ABCA7: variants seen among roughly 807,000 people sequenced by gnomAD.
The protein encoded by ABCA7 is ATP binding cassette subfamily A member 7, also known as phospholipid-transporting ATPase ABCA7.
In ABCA7, 261 loss-of-function variants were observed where a neutral mutation model predicts 227.6. The ratio of observed to expected loss-of-function variants is 1.15; its 90% CI spans 1.04 to 1.27. The LOEUF (loss-of-function observed/expected upper bound fraction) is 1.27. Ranked by LOEUF, ABCA7 falls within the 50% of genes most tolerant of loss-of-function variation. The pLI is 0.00. For synonymous variants in ABCA7, 1,488 were observed against 1,279.7 expected, an observed-to-expected ratio of 1.16 and a Z score of -3.47; for missense variants, 3,331 against 2,924.5, an observed-to-expected ratio of 1.14 and a Z score of -3.21.
intron 13 of ABCA7, 90 bp from the exon 14 acceptor site, chr19:1,046,711 TC>T: frequency 1.5e-6 from 2 of 1,341,718 alleles, no homozygotes; most frequent in Non-Finnish European, 2.0e-6. Context: ...CGCCTTGAGA[TC>T]CCGGGACACG....
intron 23 of ABCA7, 78 bp downstream of exon 23, chr19:1,052,364 G>T: frequency 7.9e-7 from 1 of 1,259,468 alleles, no homozygotes. Context: ...AGGAGGGGGA[G>T]GGGGAAGAGG....
rs767354067 is a variant in ABCA7 at position 1,041,969 on chromosome 19, C to G, written c.299C>G (p.Ser100Cys). Residue 100 changes from serine to cysteine, a missense_variant, in exon 4 of 47, where the codon TCC (serine) becomes TGC (cysteine). Coordinates refer to ENST00000263094, the MANE Select transcript of ABCA7 (RefSeq NM_019112.4). ...EPGRLSNFND[S>C]LVSRLLADAR... is the part of the protein sequence containing the mutation. ...GGGCGCCTGAGCAACTTCAACGACTCCCTGTGAGCCAGAGGCAGTGGGTGC... is the reference window on the plus strand; with the variant it reads ...GGGCGCCTGAGCAACTTCAACGACTGCCTGTGAGCCAGAGGCAGTGGGTGC... 1.7e-5 allele frequency: 27 copies of G among 1,582,728 alleles called. No homozygotes were observed. The highest frequency in any genetic ancestry group is 2.0e-5 in the Non-Finnish European group (23 of 1,170,414).
In ABCA7 at chr19:1,047,624, G is replaced by T; in HGVS notation, c.2239G>T (p.Ala747Ser). 1.9e-6 allele frequency: 3 copies of T among 1,599,328 alleles called. No individual in the cohort carries two copies. Among genetic ancestry groups the T allele is most frequent in the Non-Finnish European group, 8.5e-7 (1 of 1,177,636 alleles). The change falls in exon 16 of 47, where the codon GCC becomes TCC. Residue 747 changes from alanine to serine, a missense_variant. Physicochemically the swap from Ala to Ser is moderately conservative, Grantham distance 99. Transcript: ENST00000263094. Reference sequence around the variant, plus strand: ...GCTGGACGCGGCGCTCTACGGCCTCGCCACCTGGTACCTGGAAGCTGTGTG... The same window carrying T: ...GCTGGACGCGGCGCTCTACGGCCTCTCCACCTGGTACCTGGAAGCTGTGTG... Reference protein sequence around the residue: ...LLLDAALYGLATWYLEAVCPG... With the variant: ...LLLDAALYGLSTWYLEAVCPG...
chr19:1,041,226 G>A lies in ABCA7; in HGVS notation c.-136G>A. Reference sequence around the variant, plus strand: ...TACTGTTTGCCTCGCTCTAATCAGAGCTTCCAGGAACCCTGCGCTGTGGGA... The same window carrying A: ...TACTGTTTGCCTCGCTCTAATCAGAACTTCCAGGAACCCTGCGCTGTGGGA... On this transcript the variant is annotated splice_region_variant and 5_prime_UTR_variant, in exon 2 of 47. Transcript: ENST00000263094. The A allele has an allele frequency of 1.1e-6, 1 of 908,472 alleles. No homozygotes were observed. The highest frequency in any genetic ancestry group is 1.4e-5 in the South Asian group (1 of 73,588). The allele number at this position is 908,472 out of a possible 1,614,324, so 56.3% of individuals were successfully genotyped here. A position where few individuals can be genotyped will look rare whatever the true frequency, so the allele number is the denominator to read the frequency against.
chr19:1,046,520 C>G lies in ABCA7; in HGVS notation c.1622+114C>G. The G allele has an allele frequency of 5.1e-6, 7 of 1,383,894 alleles. No individual in the cohort carries two copies. In the South Asian group the frequency reaches 9.7e-5, roughly 19 times the overall value. 85.7% of individuals were successfully genotyped at this position (1,383,894 alleles called of 1,614,324 possible). A position where few individuals can be genotyped will look rare whatever the true frequency, so the allele number is the denominator to read the frequency against. On this transcript the variant is annotated intron_variant, in intron 13 of 46. Coordinates refer to ENST00000263094, the MANE Select transcript of ABCA7 (RefSeq NM_019112.4). ...GCGGTCCAGGCTGCGAACTTTGCAC[C>G]TTTACACCACTCCACGTGACCTGCT...
Position 1,059,062 on chromosome 19 carries a change from T to G in ABCA7, c.5440T>G (p.Cys1814Gly). 1 of 1,613,618 alleles carries G rather than the reference T, an allele frequency of 6.2e-7. No individual in the cohort carries two copies. The highest frequency in any genetic ancestry group is 1.1e-5 in the South Asian group (1 of 91,022). ...GAGGATGCCAGCTGTTGACCGCTTG[T>G]GCCTGGGGATTCCCCCTGGTGAGGT... Reference protein sequence around the residue: ...GQRMPAVDRLCLGIPPGECFG... With the variant: ...GQRMPAVDRLGLGIPPGECFG... Residue 1814 changes from cysteine (C) to glycine (G), a missense_variant, in exon 40 of 47, where the codon TGC becomes GGC. Cys to Gly is a radical substitution (Grantham distance 159). Transcript: ENST00000263094.
rs748018155 is a variant in ABCA7, at chr19:1,047,611, G to A, written c.2226G>A (p.Ala742=). Residue 742 remains alanine, a synonymous_variant, in exon 16 of 47, where the codon GCG becomes GCA. Transcript: ENST00000263094. The part of the protein sequence containing the change: ...QVSGLLLLDA[A]LYGLATWYLE... ...CTGGCCTTCTGCTGCTGGACGCGGCGCTCTACGGCCTCGCCACCTGGTACC... is the reference window on the plus strand; with the variant it reads ...CTGGCCTTCTGCTGCTGGACGCGGCACTCTACGGCCTCGCCACCTGGTACC... 22 of 1,601,866 alleles carry A rather than the reference G, an allele frequency of 1.4e-5. No homozygotes were observed. The highest frequency in any genetic ancestry group is 4.5e-5 in the East Asian group (2 of 44,806).
rs1568398957 is a variant in ABCA7 at position 1,058,686 on chromosome 19, CA to C, written c.5219del (p.Gln1740ArgfsTer24). On this transcript the variant is annotated frameshift_variant, in exon 38 of 47. Coordinates refer to ENST00000263094, the MANE Select transcript of ABCA7 (RefSeq NM_019112.4). LOFTEE classifies it high-confidence loss of function. The stretch of plus-strand genomic sequence containing the variant: ...CAAGAACCTCTTGGCCATGGTGATA[CA>C]GGGGCCCCTCTTCCTTCTCTTCACA... The part of the protein sequence containing the change: ...VGKNLLAMVI[Q>X]GPLFLLFTLL... 5 of 1,613,886 alleles carry C rather than the reference CA, an allele frequency of 3.1e-6. No individual in the cohort carries two copies. In the African/African-American group the frequency reaches 6.7e-5, roughly 22 times the overall value.
chr19:1,056,976 C>T lies in ABCA7; in HGVS notation c.4656C>T (p.Ser1552=). 1.9e-6 allele frequency: 3 copies of T among 1,614,070 alleles called. No homozygotes were observed. The highest frequency in any genetic ancestry group is 1.3e-5 in the African/African-American group (1 of 75,074). Residue 1552 remains serine, a synonymous_variant, in exon 34 of 47, where the codon AGC becomes AGT. Transcript: ENST00000263094. The surrounding 1 kb of genome is among the most constrained non-coding windows in gnomAD (Gnocchi z 4.3). The part of the protein sequence containing the change: ...VVFAMSFVPA[S]FTLVLIEERV... ...TTGCCATGTCCTTTGTCCCGGCCAG[C>T]TTCACTCTTGTCCTCATTGAGGAGC...
chr19:1,040,834 A>G (rs1285897717), intron 1 of ABCA7, among the ~76,000 whole-genome samples: 2 of 152,086 alleles, frequency 1.3e-5, no homozygotes, highest in Non-Finnish European at 2.9e-5. Flanking sequence ...CCACTTCTGT[A>G]GAGTGGGGTG....
chr19:1,041,551 C>T lies in ABCA7; in HGVS notation c.108C>T (p.Phe36=), dbSNP rs1283886295. Residue 36 remains phenylalanine, a synonymous_variant, in exon 3 of 47, where the codon TTC becomes TTT. Transcript: ENST00000263094. ...AATTGCTGTGGCCTCTCTTCCTCTTCTTCATCCTGGTGGCTGTTCGCCACT... is the reference window on the plus strand; with the variant it reads ...AATTGCTGTGGCCTCTCTTCCTCTTTTTCATCCTGGTGGCTGTTCGCCACT... ...LVELLWPLFL[F]FILVAVRHSH... The T allele has an allele frequency of 6.2e-7, 1 of 1,613,522 alleles. No homozygotes were observed. Among genetic ancestry groups the T allele is most frequent in the Non-Finnish European group, 8.5e-7 (1 of 1,180,018 alleles).
Position 1,061,712 on chromosome 19 carries a change from AAAAG to A in ABCA7, c.5464-66_5464-63del. The A allele has an allele frequency of 3.4e-6, 5 of 1,449,986 alleles. No individual in the cohort carries two copies. The Admixed American group carries it at 6.9e-5, about 20-fold the overall frequency. 89.8% of individuals were successfully genotyped at this position (1,449,986 alleles called of 1,614,324 possible). A position where few individuals can be genotyped will look rare whatever the true frequency, so the allele number is the denominator to read the frequency against. On this transcript the variant is annotated intron_variant, in intron 40 of 46. Transcript: ENST00000263094. ...AAAACTTGGTCTCAAAAAAAAAAAAAAAAGAAATCAGAGATGCCGGAACCAGGGC... is the reference window on the plus strand; with the variant it reads ...AAAACTTGGTCTCAAAAAAAAAAAAAAAATCAGAGATGCCGGAACCAGGGC...
intron 12 of ABCA7, 26 bp downstream of exon 12, chr19:1,045,257 A>G: frequency 1.3e-6 from 1 of 765,208 alleles, no homozygotes; most frequent in Non-Finnish European, 2.2e-6. Context: ...GGGCGGGGGG[A>G]TGAGGGACTG....
chr19:1,054,986 CCT>C lies in ABCA7; in HGVS notation c.3950+109_3951-109del, dbSNP rs1238893523. The C allele has an allele frequency of 1.2e-5, 18 of 1,533,094 alleles. No individual in the cohort carries two copies. In the East Asian group the frequency reaches 3.9e-4, roughly 33 times the overall value. 95.0% of individuals were successfully genotyped at this position (1,533,094 alleles called of 1,614,324 possible). A position where few individuals can be genotyped will look rare whatever the true frequency, so the allele number is the denominator to read the frequency against. On this transcript the variant is annotated intron_variant, in intron 29 of 46. Transcript: ENST00000263094. This position sits in a 1 kb window ranked among gnomAD's most constrained non-coding sequence, Gnocchi z 4.8. Reference sequence around the variant, plus strand: ...GCACCTGGAGCATCCCCTGTGCCCACCTGGGAGCTGGGAGCCTCTGTGGCTCC... The same window carrying C: ...GCACCTGGAGCATCCCCTGTGCCCACGGGAGCTGGGAGCCTCTGTGGCTCC...
chr19:1,050,187 G>A (rs2041420932), intron 18 of ABCA7, among the ~76,000 whole-genome samples: 1 of 151,514 alleles, frequency 6.6e-6, no homozygotes, highest in Non-Finnish European at 1.5e-5. Flanking sequence ...GAGGTGGGAG[G>A]ATTGCCTGAG....
intron 40 of ABCA7, among the ~76,000 whole-genome samples, chr19:1,059,883 CA>C (rs1198778634): frequency 2.0e-5 from 3 of 152,166 alleles, no homozygotes; most frequent in Admixed American, 1.3e-4. Flanking sequence ...CTTGAGCCAA[CA>C]AAACCTCATT....
At position 1,045,001 on chromosome 19, in the gene ABCA7, G is replaced by A. The variant is rs779016991; in HGVS notation, c.1216-1G>A. The A allele has an allele frequency of 5.0e-6, 8 of 1,612,458 alleles. No individual in the cohort carries two copies. The Admixed American group carries it at 1.0e-4, about 20-fold the overall frequency. ...CTAGGACTCACCCCCGCATCCCACA[G>A]TGCCTGTCCTTGGACAAGCTGGAGG... On this transcript the variant is annotated splice_acceptor_variant, in intron 11 of 46. Transcript: ENST00000263094. LOFTEE classifies it high-confidence loss of function.
At chr19:1,057,506 C>T in intron 35 of ABCA7, 77 bp downstream of exon 35, 1 of 1,373,652 alleles carries the variant, frequency 7.3e-7, no homozygotes, top group South Asian at 1.2e-5. Flanking sequence ...TGAGATAGAA[C>T]TCTGCAGTGA....
Position 1,046,332 on chromosome 19 carries a change from C to A in ABCA7, c.1548C>A (p.Arg516=). 6.2e-7 allele frequency: 1 copy of A among 1,602,584 alleles called. No homozygotes were observed. Among genetic ancestry groups the A allele is most frequent in the Non-Finnish European group, 8.5e-7 (1 of 1,178,784 alleles). Residue 516 remains arginine (R), a synonymous_variant, in exon 13 of 47, where the codon CGC becomes CGA. Transcript: ENST00000263094. ...LQDLVERAAV[R]VLSGANPRAG... is the part of the protein sequence containing the mutation. ...ACCTGGTGGAGCGTGCAGCCGTCCG[C>A]GTGCTCAGCGGCGCCAACCCCCGGG... is the stretch of plus-strand genomic sequence containing the variant.
Sources: allele counts gnomAD v4.1 joint callset (sites outside exome capture counted in the v4.1 genomes callset), GRCh38; gene constraint gnomAD v4.1.1; non-coding constraint Gnocchi (gnomAD v3.1); transcripts MANE v1.5; gene names NCBI Gene and HGNC (gene_info 2026-07-23, HGNC 2026-07-21).